The following NOX3 variants were observed in gnomAD, a reference collection of about 807,000 sequenced individuals.
NOX3 encodes NADPH oxidase catalytic subunit-like 3.
NOX3 carries 74 observed loss-of-function variants against 76.7 expected under a neutral mutation model. The observed-to-expected ratio is 0.96, with a 90% CI of 0.80 to 1.17. The LOEUF is 1.17. Ranked by LOEUF, NOX3 falls within the 50% of genes most tolerant of loss-of-function variation. The pLI, the probability that NOX3 is intolerant of heterozygous loss-of-function variation, is 0.00. For missense variants in NOX3, 695 were observed against 703.3 expected, an observed-to-expected ratio of 0.99 and a Z score of 0.13; for synonymous variants, 263 against 261.1, an observed-to-expected ratio of 1.01 and a Z score of -0.07.
chr6:155,433,690 A>T (rs1354568280), intron 7 of NOX3, among the ~76,000 whole-genome samples: 1 of 152,182 alleles, frequency 6.6e-6, no homozygotes, highest in Non-Finnish European at 1.5e-5. Flanking sequence ...GAAGCCAGAG[A>T]CTTAGAGTGA....
rs1392331789 is a variant in NOX3 at position 155,416,589 on chromosome 6, A to G, written c.1309-5229T>C. ...GCTTTGTCAATAATTTTTCATCCTT[A>G]AGACATTTTCTGAATGTGATTATCC... On this transcript the variant is annotated intron_variant, in intron 10 of 13. Transcript: ENST00000159060. 2.0e-5 allele frequency among the ~76,000 whole-genome samples: 3 copies of G among 152,274 alleles called. No individual in the cohort carries two copies. The East Asian group carries it at 5.8e-4, about 29-fold the overall frequency.
intron 12 of NOX3, among the ~76,000 whole-genome samples, chr6:155,398,081 CTT>C (rs139707390): frequency 6.6e-6 from 1 of 152,274 alleles, no homozygotes; most frequent in East Asian, 1.9e-4. Context: ...TCTTTTTTCT[CTT>C]GTCTTGAATA....
intron 11 of NOX3, among the ~76,000 whole-genome samples, chr6:155,408,724 T>C (rs934732576): frequency 1.3e-5 from 2 of 152,158 alleles, no homozygotes; most frequent in Non-Finnish European, 2.9e-5. Context: ...AACAGTTGAC[T>C]GGACAAAGAA....
Position 155,420,016 on chromosome 6 carries a change from T to C in NOX3, c.1308+2678A>G, listed in dbSNP as rs551404672. ...TTTTACTATATATATAGTTATCACA[T>C]GTTGTATGTGTATATATATATATGT... On this transcript the variant is annotated intron_variant, in intron 10 of 13. Transcript: ENST00000159060. Among the ~76,000 whole-genome samples, 7 of 151,620 alleles carry C rather than the reference T, an allele frequency of 4.6e-5. No individual in the cohort carries two copies. In the East Asian group the frequency reaches 1.4e-3, roughly 29 times the overall value.
At chr6:155,408,284 C>T (rs1776490976) in intron 11 of NOX3, among the ~76,000 whole-genome samples, 1 of 152,178 alleles carries the variant, frequency 6.6e-6, no homozygotes, top group Non-Finnish European at 1.5e-5. Context: ...CTGCACCTGG[C>T]CATGATCATG....
chr6:155,433,474 C>A (rs547704336), intron 7 of NOX3, among the ~76,000 whole-genome samples: 3 of 152,350 alleles, frequency 2.0e-5, no homozygotes, highest in East Asian at 3.9e-4. Flanking sequence ...GGCCACCACC[C>A]CTCACTCTGT....
At chr6:155,434,900 A>G (rs144620919) in intron 7 of NOX3, among the ~76,000 whole-genome samples, 1 of 152,340 alleles carries the variant, frequency 6.6e-6, no homozygotes, top group African/African-American at 2.4e-5. Flanking sequence ...TACATATTCT[A>G]TTGATCAGAG....
At chr6:155,427,549 T>C (rs993366795) in intron 9 of NOX3, among the ~76,000 whole-genome samples, 1 of 152,222 alleles carries the variant, frequency 6.6e-6, no homozygotes, top group African/African-American at 2.4e-5. Flanking sequence ...GACAATGTCC[T>C]GCCCTCAGGA....
At chr6:155,432,511 C>G (rs1776847733) in intron 7 of NOX3, among the ~76,000 whole-genome samples, 2 of 152,170 alleles carry the variant, frequency 1.3e-5, no homozygotes. Context: ...AGTCATCTGG[C>G]TCTGTCTCTT....
Position 155,436,297 on chromosome 6 carries a change from C to T in NOX3, c.798+121G>A, listed in dbSNP as rs1027110369. Reference sequence around the variant, plus strand: ...GTAACTTGATTTCTCCATTAGCACACTTAATAAAGAGTTGGCTTTGTCTAG... The same window carrying T: ...GTAACTTGATTTCTCCATTAGCACATTTAATAAAGAGTTGGCTTTGTCTAG... On this transcript the variant is annotated intron_variant, in intron 7 of 13. Coordinates refer to ENST00000159060, the MANE Select transcript of NOX3 (RefSeq NM_015718.3). 12 of 1,125,446 alleles carry T rather than the reference C, an allele frequency of 1.1e-5. No homozygotes were observed. In the African/African-American group the frequency reaches 1.7e-4, roughly 16 times the overall value. 69.7% of individuals were successfully genotyped at this position (1,125,446 alleles called of 1,614,324 possible). A position where few individuals can be genotyped will look rare whatever the true frequency, so the allele number is the denominator to read the frequency against.
intron 12 of NOX3, among the ~76,000 whole-genome samples, chr6:155,399,494 C>CAA (rs1779191678): frequency 6.6e-6 from 1 of 152,112 alleles, no homozygotes; most frequent in Non-Finnish European, 1.5e-5. Flanking sequence ...ATGCAATCAC[C>CAA]AAAAAGTCTC....
At chr6:155,435,352 T>C (rs75952777) in intron 7 of NOX3, among the ~76,000 whole-genome samples, 6,683 of 152,202 alleles carry the variant, frequency 0.044, 190 homozygotes, top group African/African-American at 0.075. Flanking sequence ...CTCATTAATA[T>C]GCAGGTTGGA....
intron 4 of NOX3, among the ~76,000 whole-genome samples, chr6:155,444,108 T>C (rs1186106657): frequency 6.6e-6 from 1 of 152,248 alleles, no homozygotes; most frequent in African/African-American, 2.4e-5. Flanking sequence ...TTTTGTTCTC[T>C]TTCAGCCACT....
chr6:155,426,112 T>G (rs1776751561), intron 9 of NOX3, among the ~76,000 whole-genome samples: 1 of 152,244 alleles, frequency 6.6e-6, no homozygotes, highest in South Asian at 2.1e-4. Context: ...ATCCTGATTC[T>G]TTGTATGTTG....
intron 12 of NOX3, among the ~76,000 whole-genome samples, chr6:155,404,424 C>A (rs934004995): frequency 2.0e-5 from 3 of 152,108 alleles, no homozygotes; most frequent in Admixed American, 1.3e-4. Context: ...AGAACCAGAA[C>A]TGGATTCTAG....
At chr6:155,443,146 C>T in intron 5 of NOX3, 127 bp downstream of exon 5, 1 of 1,050,722 alleles carries the variant, frequency 9.5e-7, no homozygotes, top group Non-Finnish European at 1.3e-6. Context: ...AAATTGAAAA[C>T]AAATTCACAT....
chr6:155,449,667 C>T (rs1302973443), intron 4 of NOX3, among the ~76,000 whole-genome samples: 1 of 152,182 alleles, frequency 6.6e-6, no homozygotes, highest in Non-Finnish European at 1.5e-5. Context: ...CCACCAGTCT[C>T]TAATTACATC....
chr6:155,414,584 C>A (rs1776598843), intron 10 of NOX3, among the ~76,000 whole-genome samples: 1 of 149,468 alleles, frequency 6.7e-6, no homozygotes, highest in Admixed American at 6.6e-5. Flanking sequence ...TTTTTTTTTA[C>A]AGGACTCATC....
rs139761791 is a variant in NOX3, at chr6:155,409,199, C to T, written c.1456-1945G>A. ...GGAAAAGAGTTGGGGTATAGGACTCCGAGCAAAAAGAAGGTGGGGAACAGT... is the reference window on the plus strand; with the variant it reads ...GGAAAAGAGTTGGGGTATAGGACTCTGAGCAAAAAGAAGGTGGGGAACAGT... On this transcript the variant is annotated intron_variant, in intron 11 of 13. Coordinates refer to ENST00000159060, the MANE Select transcript of NOX3 (RefSeq NM_015718.3). Among the ~76,000 whole-genome samples the T allele has an allele frequency of 1.1e-4, 17 of 152,164 alleles. No individual in the cohort carries two copies. The East Asian group carries it at 1.9e-3, about 17-fold the overall frequency.
Sources: gnomAD v4.1 joint callset for allele counts (sites outside exome capture counted in the v4.1 genomes callset) on GRCh38, gnomAD v4.1.1 for gene constraint, MANE v1.5 for transcripts, NCBI Gene and HGNC (gene_info 2026-07-23, HGNC 2026-07-21) for gene names.